The following SEC24B variants were observed in gnomAD, a reference collection of about 807,000 sequenced individuals.
SEC24B encodes protein transport protein Sec24B.
SEC24B carries 45 observed loss-of-function variants against 142.8 expected under a neutral mutation model. The observed-to-expected ratio is 0.32, with a 90% CI of 0.25 to 0.40. The LOEUF (loss-of-function observed/expected upper bound fraction) is 0.40. Ranked by LOEUF, SEC24B falls within the 10% of genes least tolerant of loss-of-function variation. The pLI is 1.00. For missense variants in SEC24B, 1,409 were observed against 1,526.8 expected (o/e 0.92, Z 1.29); for synonymous variants, 574 against 568.2 (o/e 1.01, Z -0.15).
At chr4:109,535,884 A>G (rs1346585360) in intron 22 of SEC24B, among the ~76,000 whole-genome samples, 1 of 152,188 alleles carries the variant, frequency 6.6e-6, no homozygotes, top group African/African-American at 2.4e-5. Flanking sequence ...TACTAAACAC[A>G]AATTTTTCAG....
chr4:109,505,394 A>C (rs868414811), intron 6 of SEC24B, among the ~76,000 whole-genome samples: 10 of 152,116 alleles, frequency 6.6e-5, no homozygotes, highest in African/African-American at 2.4e-4. Context: ...TGGTGTTATA[A>C]ATGTATATTA....
intron 1 of SEC24B, chr4:109,449,479 G>A (rs757795827): frequency 6.2e-5 from 28 of 450,150 alleles, no homozygotes; most frequent in South Asian, 2.2e-4. Flanking sequence ...CAATCTGCCC[G>A]CCTCGGCCTC....
chr4:109,538,458 A>G, intron 22 of SEC24B, 35 bp from the exon 23 acceptor site: 1 of 1,441,538 alleles, frequency 6.9e-7, no homozygotes, highest in Non-Finnish European at 9.8e-7. Context: ...AGTCTATGAG[A>G]AAGGAAAGTT....
In SEC24B at chr4:109,538,637, A is replaced by T. The variant is rs759741193; in HGVS notation, c.3692+41A>T. The T allele has an allele frequency of 2.4e-6, 3 of 1,266,746 alleles. No individual in the cohort carries two copies. In the South Asian group the frequency reaches 3.6e-5, roughly 15 times the overall value. 78.5% of individuals were successfully genotyped at this position (1,266,746 alleles called of 1,614,324 possible). ...ACTTAATTATGAAGTTGTCTTTCCT[A>T]TGTAGTCTGTGGAATTGCTTGTCTT... On this transcript the variant is annotated intron_variant, in intron 23 of 23. Transcript: ENST00000265175.
chr4:109,537,974 C>CT (rs1235495480), intron 22 of SEC24B, among the ~76,000 whole-genome samples: 7 of 151,902 alleles, frequency 4.6e-5, no homozygotes, highest in African/African-American at 1.7e-4. Flanking sequence ...AAATAATAGA[C>CT]TTTTAGGTCC....
In SEC24B at chr4:109,530,234, T is replaced by C. The variant is rs7667502; in HGVS notation, c.3077-55T>C. ...TAATGCGTATAAATTTTCTCTCTTA[T>C]AGTGCCCATTGGATTCTAATGGTTA... On this transcript the variant is annotated intron_variant, in intron 18 of 23. Transcript: ENST00000265175. The C allele has an allele frequency of 0.024, 35,096 of 1,484,012 alleles. 6,288 individuals carry two copies. In the African/African-American group the frequency reaches 0.41, roughly 17 times the overall value. The allele number at this position is 1,484,012 out of a possible 1,614,324, so 91.9% of individuals were successfully genotyped here. A position where few individuals can be genotyped will look rare whatever the true frequency, so the allele number is the denominator to read the frequency against.
At chr4:109,485,678 T>C (rs964826031) in intron 4 of SEC24B, among the ~76,000 whole-genome samples, 3 of 152,242 alleles carry the variant, frequency 2.0e-5, no homozygotes, top group African/African-American at 4.8e-5. Context: ...AATGGAATTT[T>C]ATTTTTTAAA....
intron 4 of SEC24B, among the ~76,000 whole-genome samples, chr4:109,484,180 T>TC (rs1734110255): frequency 1.3e-5 from 2 of 152,358 alleles, no homozygotes; most frequent in Admixed American, 1.3e-4. Flanking sequence ...TCCTTTAGTC[T>TC]CCAACAGTTC....
At position 109,481,705 on chromosome 4, in the gene SEC24B, C is replaced by G; in HGVS notation, c.1089C>G (p.Asn363Lys). 6.2e-7 allele frequency: 1 copy of G among 1,613,520 alleles called. No homozygotes were observed. The highest frequency in any genetic ancestry group is 8.5e-7 in the Non-Finnish European group (1 of 1,179,604). ...KGVQYGEYVNNQASSAPTPLS... is the reference protein window; with the variant it reads ...KGVQYGEYVNKQASSAPTPLS... ...TGCAGTATGGTGAATATGTTAATAA[C>G]CAAGCTAGCTCCGCACCAACTCCCT... The change falls in exon 4 of 24, where the codon AAC becomes AAG. Residue 363 changes from asparagine to lysine, a missense_variant. Asn to Lys is a moderately conservative substitution (Grantham distance 94). Around this residue, in one of 2 missense-constraint regions of SEC24B, gnomAD observed 709 missense variants for 673.5 expected, o/e 1.05. Coordinates refer to ENST00000265175, the MANE Select transcript of SEC24B (RefSeq NM_006323.5).
At chr4:109,527,560 C>A in intron 18 of SEC24B, 128 bp downstream of exon 18, 1 of 639,368 alleles carries the variant, frequency 1.6e-6, no homozygotes, top group South Asian at 1.9e-5. Flanking sequence ...ACCACGAGGT[C>A]AGGAGTTTGA....
intron 3 of SEC24B, among the ~76,000 whole-genome samples, chr4:109,478,823 G>C (rs1375733658): frequency 1.3e-5 from 2 of 152,132 alleles, no homozygotes; most frequent in Non-Finnish European, 2.9e-5. Flanking sequence ...TTTTTAGGTG[G>C]GTAAGTTTGA....
intron 7 of SEC24B, among the ~76,000 whole-genome samples, chr4:109,506,836 A>C (rs933553479): frequency 2.6e-5 from 4 of 152,170 alleles, no homozygotes; most frequent in African/African-American, 9.6e-5. Flanking sequence ...AACTTCTGAT[A>C]TCTTTTCAAT....
At chr4:109,489,751 C>T (rs565947933) in intron 4 of SEC24B, among the ~76,000 whole-genome samples, 5 of 150,594 alleles carry the variant, frequency 3.3e-5, no homozygotes, top group African/African-American at 1.2e-4. Flanking sequence ...AGGTTTCATT[C>T]ACATTGTAGC....
rs547511742 is a variant in SEC24B at position 109,518,001 on chromosome 4, T to C, written c.2126+1361T>C. Among the ~76,000 whole-genome samples the C allele has an allele frequency of 3.3e-5, 5 of 152,178 alleles. No individual in the cohort carries two copies. In the South Asian group the frequency reaches 8.3e-4, roughly 25 times the overall value. ...TTTATTTTTTGAGACAGAGTCTCGC[T>C]CTGTTGCCCAGGCTGGAGTGCAGTG... is the stretch of plus-strand genomic sequence containing the variant. On this transcript the variant is annotated intron_variant, in intron 11 of 23. Transcript: ENST00000265175.
chr4:109,518,232 C>T (rs1180351648), intron 11 of SEC24B, among the ~76,000 whole-genome samples: 1 of 152,138 alleles, frequency 6.6e-6, no homozygotes, highest in Non-Finnish European at 1.5e-5. Flanking sequence ...TAATTCCCTC[C>T]TCTGTGTCTA....
intron 22 of SEC24B, among the ~76,000 whole-genome samples, chr4:109,536,891 G>C (rs148286715): frequency 6.4e-4 from 97 of 151,554 alleles, no homozygotes; most frequent in African/African-American, 2.3e-3. Flanking sequence ...TGATTCAAAA[G>C]ATCAATAAAT....
At chr4:109,460,419 T>C (rs780575126) in intron 1 of SEC24B, among the ~76,000 whole-genome samples, 2 of 152,154 alleles carry the variant, frequency 1.3e-5, no homozygotes, top group Non-Finnish European at 2.9e-5. Context: ...CACAGATACC[T>C]GTTTCCTTCC....
chr4:109,433,833 T>G lies in SEC24B; in HGVS notation c.-37T>G. ...CCGCCTTCCCTTCCCTCCGCCCACCTCCCTGAAGCGGAGCCGCCGTCGCCA... is the reference window on the plus strand; with the variant it reads ...CCGCCTTCCCTTCCCTCCGCCCACCGCCCTGAAGCGGAGCCGCCGTCGCCA... On this transcript the variant is annotated 5_prime_UTR_variant, in exon 1 of 24. Coordinates refer to ENST00000265175, the MANE Select transcript of SEC24B (RefSeq NM_006323.5). 8.0e-7 allele frequency: 1 copy of G among 1,257,718 alleles called. No individual in the cohort carries two copies. Among genetic ancestry groups the G allele is most frequent in the Non-Finnish European group, 1.0e-6 (1 of 999,894 alleles). 77.9% of individuals were successfully genotyped at this position (1,257,718 alleles called of 1,614,324 possible).
intron 22 of SEC24B, among the ~76,000 whole-genome samples, chr4:109,536,087 T>A (rs1479077069): frequency 1.3e-5 from 2 of 152,082 alleles, no homozygotes; most frequent in African/African-American, 4.8e-5. Context: ...GATTTTTTTT[T>A]AAATGACAGA....
Sources: gnomAD v4.1 joint callset for allele counts (sites outside exome capture counted in the v4.1 genomes callset) on GRCh38, gnomAD v4.1.1 for gene constraint, gnomAD v4.1.1 regional missense constraint, MANE v1.5 for transcripts, NCBI Gene and HGNC (gene_info 2026-07-23, HGNC 2026-07-21) for gene names.